The following TENM3 variants were observed in gnomAD, a reference collection of about 807,000 sequenced individuals.
TENM3 encodes the protein teneurin transmembrane protein 3.
A neutral mutation model predicts 255.1 loss-of-function variants in TENM3; 63 were observed. The ratio of observed to expected loss-of-function variants is 0.25; its 90% confidence interval spans 0.20 to 0.30. The LOEUF is 0.30. Among genes scored for constraint, TENM3 ranks in the 10% least tolerant of loss-of-function variants. TENM3 has a pLI of 1.00. For synonymous variants in TENM3, 1,306 were observed against 1,322.3 expected, an observed-to-expected ratio of 0.99 and a Z score of 0.27; for missense variants, 2,929 against 3,461.1, an observed-to-expected ratio of 0.85 and a Z score of 3.86.
the TENM3 span, among the ~76,000 whole-genome samples, chr4:181,664,298 C>T: frequency 6.6e-6 from 1 of 151,808 alleles, no homozygotes; most frequent in Admixed American, 6.6e-5. Context: ...GGTGAAACCC[C>T]GTCTCCACAA....
intron 22 of TENM3, among the ~76,000 whole-genome samples, chr4:182,759,898 T>C (rs1056204403): frequency 2.0e-5 from 3 of 152,216 alleles, no homozygotes; most frequent in East Asian, 3.8e-4. Flanking sequence ...TATGTCCCTA[T>C]TGTGATTCAT....
chr4:181,972,320 C>T, the TENM3 span, among the ~76,000 whole-genome samples: 1 of 150,750 alleles, frequency 6.6e-6, no homozygotes, highest in Non-Finnish European at 1.5e-5. Context: ...TTGGGATGCT[C>T]AGGTGGGAGG....
At chr4:181,825,509 A>G in the TENM3 span, among the ~76,000 whole-genome samples, 1 of 151,972 alleles carries the variant, frequency 6.6e-6, no homozygotes, top group Non-Finnish European at 1.5e-5. Flanking sequence ...TTTTATTGGT[A>G]TAGAAATAGA....
intron 3 of TENM3, among the ~76,000 whole-genome samples, chr4:182,427,892 G>A (rs1177589316): frequency 6.6e-6 from 1 of 151,220 alleles, no homozygotes; most frequent in Non-Finnish European, 1.5e-5. Flanking sequence ...TCGCAGCTGT[G>A]TACATGAGAA....
At chr4:182,193,581 G>C (rs879356369) in intron 1 of TENM3, among the ~76,000 whole-genome samples, 23 of 152,192 alleles carry the variant, frequency 1.5e-4, no homozygotes. Flanking sequence ...ATGCGTCCCA[G>C]GGGTATAGCT....
the TENM3 span, among the ~76,000 whole-genome samples, chr4:181,494,234 A>G: frequency 1.3e-5 from 2 of 152,216 alleles, no homozygotes; most frequent in African/African-American, 2.4e-5. Context: ...CTTAACTGTT[A>G]TATACACCAA....
At chr4:181,605,079 A>G in the TENM3 span, among the ~76,000 whole-genome samples, 2 of 152,228 alleles carry the variant, frequency 1.3e-5, no homozygotes, top group Non-Finnish European at 2.9e-5. Context: ...TAAATGCAGC[A>G]TTAGTGTACA....
chr4:182,122,641 T>C, the TENM3 span, among the ~76,000 whole-genome samples: 1 of 152,224 alleles, frequency 6.6e-6, no homozygotes, highest in East Asian at 1.9e-4. Flanking sequence ...ATCCAGGTTT[T>C]ATTCCTTTTA....
chr4:182,146,594 AAT>A (rs930760587), intron 1 of TENM3, among the ~76,000 whole-genome samples: 5 of 152,160 alleles, frequency 3.3e-5, no homozygotes, highest in Admixed American at 2.6e-4. Flanking sequence ...ATAGTAAACA[AAT>A]ATATCTTATG....
At chr4:181,865,757 A>G in the TENM3 span, among the ~76,000 whole-genome samples, 2 of 152,180 alleles carry the variant, frequency 1.3e-5, no homozygotes, top group Admixed American at 6.5e-5. Context: ...ATAGGTTTGT[A>G]GCGCTTTAGA....
intron 3 of TENM3, among the ~76,000 whole-genome samples, chr4:182,352,070 T>C (rs972599464): frequency 6.6e-6 from 1 of 152,232 alleles, no homozygotes; most frequent in East Asian, 1.9e-4. Flanking sequence ...TAGATATCTA[T>C]AGATATCAAT....
chr4:182,579,751 G>A (rs775914434), intron 3 of TENM3, among the ~76,000 whole-genome samples: 9 of 152,046 alleles, frequency 5.9e-5, no homozygotes, highest in Non-Finnish European at 1.0e-4. Flanking sequence ...ATCATATTTT[G>A]CAGTGAACCT....
At chr4:182,519,849 T>C (rs1209784918) in intron 3 of TENM3, among the ~76,000 whole-genome samples, 1 of 152,158 alleles carries the variant, frequency 6.6e-6, no homozygotes, top group Admixed American at 6.5e-5. Flanking sequence ...TTTCTAAACA[T>C]TGGTGACTAC....
the TENM3 span, among the ~76,000 whole-genome samples, chr4:181,656,746 G>A: frequency 6.7e-6 from 1 of 148,754 alleles, no homozygotes; most frequent in African/African-American, 2.5e-5. Flanking sequence ...GGAGGAAGAA[G>A]ACGTAATAGA....
chr4:181,814,243 G>A, the TENM3 span, among the ~76,000 whole-genome samples: 1 of 152,124 alleles, frequency 6.6e-6, no homozygotes. Context: ...AATGGTATAT[G>A]GGTATGACTA....
At chr4:181,449,795 TAAATG>T in the TENM3 span, among the ~76,000 whole-genome samples, 2 of 152,158 alleles carry the variant, frequency 1.3e-5, no homozygotes, top group African/African-American at 4.8e-5. Flanking sequence ...TCTCAAAAAA[TAAATG>T]AATAGATAAA....
the TENM3 span, among the ~76,000 whole-genome samples, chr4:181,712,985 C>T: frequency 6.6e-6 from 1 of 152,138 alleles, no homozygotes; most frequent in Non-Finnish European, 1.5e-5. Context: ...CTATTTTGCT[C>T]TCCAACTATC....
intron 1 of TENM3, among the ~76,000 whole-genome samples, chr4:182,180,980 C>G (rs1752806367): frequency 6.6e-6 from 1 of 151,664 alleles, no homozygotes; most frequent in Non-Finnish European, 1.5e-5. Context: ...AAGAATTCTT[C>G]ACTTGATCAC....
chr4:181,840,227 G>A, the TENM3 span, among the ~76,000 whole-genome samples: 84,717 of 151,690 alleles, frequency 0.56, 24,989 homozygotes, highest in East Asian at 0.74. Flanking sequence ...CATTTATATT[G>A]AAAGTTCTTC....
Sources: gnomAD v4.1 joint callset for allele counts (sites outside exome capture counted in the v4.1 genomes callset) on GRCh38, gnomAD v4.1.1 for gene constraint, MANE v1.5 for transcripts, NCBI Gene and HGNC (gene_info 2026-07-23, HGNC 2026-07-21) for gene names.